NABP1: variants seen among roughly 807,000 people sequenced by gnomAD.
The protein encoded by NABP1 is SOSS complex subunit B2.
A neutral mutation model predicts 25.0 loss-of-function variants in NABP1; 18 were observed. The ratio of observed to expected loss-of-function variants is 0.72; its 90% confidence interval spans 0.50 to 1.07. The LOEUF is 1.07. Among genes scored for constraint, NABP1 ranks in the 50% least tolerant of loss-of-function variants. NABP1 has a pLI of 0.00. For synonymous variants in NABP1, 71 were observed against 85.0 expected (o/e 0.84, Z 0.91); for missense variants, 270 against 255.6 (o/e 1.06, Z -0.39).
At chr2:191,680,737 C>T (rs551920683) in intron 2 of NABP1, among the ~76,000 whole-genome samples, 41 of 152,166 alleles carry the variant, frequency 2.7e-4, no homozygotes, top group African/African-American at 9.9e-4. Context: ...ACAATTTAAA[C>T]GAAAATTAAA....
chr2:191,681,282 A>G (rs1254534822), intron 2 of NABP1, among the ~76,000 whole-genome samples: 1 of 152,164 alleles, frequency 6.6e-6, no homozygotes, highest in Admixed American at 6.5e-5. Context: ...TGATTTTATA[A>G]TATTAATTTA....
intron 5 of NABP1, 140 bp from the exon 6 acceptor site, chr2:191,685,459 C>T: frequency 1.2e-6 from 1 of 804,342 alleles, no homozygotes; most frequent in Non-Finnish European, 1.9e-6. Context: ...TTAGAGCCCA[C>T]ATTGTTTTTT....
Position 191,683,597 on chromosome 2 carries a change from A to G in NABP1, c.303-132A>G. The G allele has an allele frequency of 1.5e-6, 1 of 647,390 alleles. No individual in the cohort carries two copies. Among genetic ancestry groups the G allele is most frequent in the Non-Finnish European group, 2.7e-6 (1 of 374,746 alleles). 40.1% of individuals were successfully genotyped at this position (647,390 alleles called of 1,614,324 possible). A position where few individuals can be genotyped will look rare whatever the true frequency, so the allele number is the denominator to read the frequency against. ...ATCATTTGGGAAGTTTTTGTTGTAA[A>G]TGAAGAGTTAGTTTGTTGCTATTAA... On this transcript the variant is annotated intron_variant, in intron 3 of 5. Transcript: ENST00000425611. This position sits in a 1 kb window ranked among gnomAD's most constrained non-coding sequence, Gnocchi z 4.1.
rs1227280453 is a variant in NABP1 at position 191,683,813 on chromosome 2, G to T, written c.378+9G>T. On this transcript the variant is annotated intron_variant, in intron 4 of 5. Transcript: ENST00000425611. This position sits in a 1 kb window ranked among gnomAD's most constrained non-coding sequence, Gnocchi z 4.1. ...GACAGCAGAACAAAGGGGTAATTGTGTAGTATACTTTTATGATTAGGCTAA... is the reference window on the plus strand; with the variant it reads ...GACAGCAGAACAAAGGGGTAATTGTTTAGTATACTTTTATGATTAGGCTAA... 10 of 1,597,324 alleles carry T rather than the reference G, an allele frequency of 6.3e-6. No individual in the cohort carries two copies. The highest frequency in any genetic ancestry group is 1.8e-5 in the Admixed American group (1 of 56,186).
At position 191,681,904 on chromosome 2, in the gene NABP1, A is replaced by G. The variant is rs755730711; in HGVS notation, c.231-42A>G. Reference sequence around the variant, plus strand: ...ATTTACTTGATTTAAATAGAAGAAAATAAATATATTTCTAAAGAATTAATG... The same window carrying G: ...ATTTACTTGATTTAAATAGAAGAAAGTAAATATATTTCTAAAGAATTAATG... On this transcript the variant is annotated intron_variant, in intron 2 of 5. Coordinates refer to ENST00000425611, the MANE Select transcript of NABP1 (RefSeq NM_001031716.5). 8.3e-6 allele frequency: 11 copies of G among 1,318,490 alleles called. No individual in the cohort carries two copies. In the South Asian group the frequency reaches 1.5e-4, roughly 19 times the overall value. 81.7% of individuals were successfully genotyped at this position (1,318,490 alleles called of 1,614,324 possible). A position where few individuals can be genotyped will look rare whatever the true frequency, so the allele number is the denominator to read the frequency against.
intron 2 of NABP1, among the ~76,000 whole-genome samples, chr2:191,680,154 ATT>A (rs1412009853): frequency 6.6e-6 from 1 of 152,226 alleles, no homozygotes; most frequent in Non-Finnish European, 1.5e-5. Context: ...AATTTACCAA[ATT>A]TTTATCTTAG....
chr2:191,683,502 G>A lies in NABP1; in HGVS notation c.303-227G>A. 1 of 398,908 alleles carries A rather than the reference G, an allele frequency of 2.5e-6. No individual in the cohort carries two copies. The highest frequency in any genetic ancestry group is 4.5e-6 in the Non-Finnish European group (1 of 223,948). 24.7% of individuals were successfully genotyped at this position (398,908 alleles called of 1,614,324 possible). A position where few individuals can be genotyped will look rare whatever the true frequency, so the allele number is the denominator to read the frequency against. ...TGATTTTTTTTTCAGCACTAAAGAA[G>A]AATTTAAATACAAAATAGAATGTTA... On this transcript the variant is annotated intron_variant, in intron 3 of 5. Transcript: ENST00000425611. The surrounding 1 kb of genome is among the most constrained non-coding windows in gnomAD (Gnocchi z 4.1).
At position 191,684,974 on chromosome 2, in the gene NABP1, C is replaced by G. The variant is rs146528936; in HGVS notation, c.446-625C>G. On this transcript the variant is annotated intron_variant, in intron 5 of 5. Transcript: ENST00000425611. ...TCAAGTGATTCTCCTGCCTCAGCCT[C>G]CCAAGTAGCTGGGATTACAGATGTG... 8.5e-3 allele frequency: 1,297 copies of G among 152,620 alleles called. 8 individuals are homozygous for G. Among genetic ancestry groups the G allele is most frequent in the Non-Finnish European group, 0.015 (1,019 of 68,336 alleles). 9.5% of individuals were successfully genotyped at this position (152,620 alleles called of 1,614,324 possible).
At chr2:191,681,854 A>T in intron 2 of NABP1, 92 bp from the exon 3 acceptor site, 1 of 785,352 alleles carries the variant, frequency 1.3e-6, no homozygotes, top group Non-Finnish European at 1.9e-6. Context: ...CTTCTACCTT[A>T]ATACAAAAAA....
chr2:191,685,262 T>G (rs1687785890), intron 5 of NABP1, among the ~76,000 whole-genome samples: 2 of 152,230 alleles, frequency 1.3e-5, no homozygotes, highest in African/African-American at 4.8e-5. Flanking sequence ...ATTGTCTGTT[T>G]TGAGATATTA....
At position 191,678,620 on chromosome 2, in the gene NABP1, T is replaced by A; in HGVS notation, c.6T>A (p.Asn2Lys). The change falls in exon 1 of 6, where the codon AAT (asparagine) becomes AAA (lysine). Residue 2 changes from asparagine to lysine, a missense_variant. Physicochemically the swap from Asn to Lys is moderately conservative, Grantham distance 94 (BLOSUM62 0). Coordinates refer to ENST00000425611, the MANE Select transcript of NABP1 (RefSeq NM_001031716.5). The stretch of plus-strand genomic sequence containing the variant: ...GTAGCCGCGCCTGTCCCAATATGAA[T>A]AGGGTCAACGACCCACTTATTTTTA... M[N>K]RVNDPLIFIR... 3.1e-6 allele frequency: 5 copies of A among 1,610,498 alleles called. No individual in the cohort carries two copies. The South Asian group carries it at 5.5e-5, about 18-fold the overall frequency.
Position 191,686,611 on chromosome 2 carries a change from A to G in NABP1, c.*843A>G, listed in dbSNP as rs1287169252. 2.6e-5 allele frequency: 4 copies of G among 152,224 alleles called. No individual in the cohort carries two copies. Among genetic ancestry groups the G allele is most frequent in the Non-Finnish European group, 4.4e-5 (3 of 68,030 alleles). 9.4% of individuals were successfully genotyped at this position (152,224 alleles called of 1,614,324 possible). On this transcript the variant is annotated 3_prime_UTR_variant, in exon 6 of 6. Coordinates refer to ENST00000425611, the MANE Select transcript of NABP1 (RefSeq NM_001031716.5). The stretch of plus-strand genomic sequence containing the variant: ...AACATACTGGAGGTGAGTCAAATTG[A>G]ATTCATATAGTAACATGCAGTCTGA...
chr2:191,679,336 A>G (rs1325962360), intron 2 of NABP1, among the ~76,000 whole-genome samples: 1 of 152,148 alleles, frequency 6.6e-6, no homozygotes, highest in African/African-American at 2.4e-5. Flanking sequence ...TTCAGCTGGG[A>G]AATCCGCGCC....
At chr2:191,682,391 C>A in intron 3 of NABP1, 1 of 381,926 alleles carries the variant, frequency 2.6e-6, no homozygotes. Context: ...AGTTTCAGGC[C>A]ATAAGTTTAA....
Position 191,679,117 on chromosome 2 carries a change from G to A in NABP1, c.219G>A (p.Arg73=), listed in dbSNP as rs1210709047. 4 of 1,614,164 alleles carry A rather than the reference G, an allele frequency of 2.5e-6. No individual in the cohort carries two copies. Among genetic ancestry groups the A allele is most frequent in the South Asian group, 1.1e-5 (1 of 91,084 alleles). The change falls in exon 2 of 6, where the codon CGG becomes CGA. Residue 73 remains arginine (R), a synonymous_variant. Coordinates refer to ENST00000425611, the MANE Select transcript of NABP1 (RefSeq NM_001031716.5). ...TTATACAGCCAGGGGATATTATTCGGTTGACCAGAGGGTAGGTGTGCAAAA... is the reference window on the plus strand; with the variant it reads ...TTATACAGCCAGGGGATATTATTCGATTGACCAGAGGGTAGGTGTGCAAAA... The part of the protein sequence containing the change: ...GGLIQPGDII[R]LTRGYASMWK...
chr2:191,681,930 TTTC>T lies in NABP1; in HGVS notation c.231-13_231-11del, dbSNP rs764500252. On this transcript the variant is annotated splice_polypyrimidine_tract_variant and intron_variant, in intron 2 of 5. Coordinates refer to ENST00000425611, the MANE Select transcript of NABP1 (RefSeq NM_001031716.5). ...TAAATATATTTCTAAAGAATTAATG[TTTC>T]TTTTCTCTCTAGGTATGCATCCATG... 3 of 1,469,874 alleles carry T rather than the reference TTTC, an allele frequency of 2.0e-6. No individual in the cohort carries two copies. The East Asian group carries it at 7.5e-5, about 37-fold the overall frequency. The allele number at this position is 1,469,874 out of a possible 1,614,324, so 91.1% of individuals were successfully genotyped here.
chr2:191,684,428 C>A, intron 5 of NABP1, 132 bp downstream of exon 5: 1 of 535,458 alleles, frequency 1.9e-6, no homozygotes, highest in South Asian at 4.9e-5. Context: ...ACAGGGAATC[C>A]CCAAAGGGCT....
At chr2:191,682,212 G>A (rs1290899593) in intron 3 of NABP1, 195 bp downstream of exon 3, 6 of 447,700 alleles carry the variant, frequency 1.3e-5, no homozygotes, top group Non-Finnish European at 2.4e-5. Context: ...GGTTAAAAGT[G>A]TCAATTTTTC....
Position 191,685,723 on chromosome 2 carries a change from C to T in NABP1, c.570C>T (p.Thr190=). 2 of 1,614,028 alleles carry T rather than the reference C, an allele frequency of 1.2e-6. No individual in the cohort carries two copies. The highest frequency in any genetic ancestry group is 1.7e-6 in the Non-Finnish European group (2 of 1,179,968). Residue 190 remains threonine, a synonymous_variant, in exon 6 of 6, where the codon ACC becomes ACT. Transcript: ENST00000425611. ...CAGCTAGTAATCAAACAGTGATGAC[C>T]ACAATAAGTAATGGCAGGGACCCTC... ...QGTASNQTVM[T]TISNGRDPRR...
Sources: gnomAD v4.1 joint callset for allele counts (sites outside exome capture counted in the v4.1 genomes callset) on GRCh38, gnomAD v4.1.1 for gene constraint, Gnocchi (gnomAD v3.1) non-coding constraint, MANE v1.5 for transcripts, NCBI Gene and HGNC (gene_info 2026-07-23, HGNC 2026-07-21) for gene names.